The following NFKB1 variants were observed in gnomAD, a reference collection of about 807,000 sequenced individuals.
NFKB1 encodes the protein nuclear factor kappa B subunit 1, also known as nuclear factor NF-kappa-B p105 subunit.
NFKB1 carries 9 observed loss-of-function variants against 105.1 expected under a neutral mutation model. The observed-to-expected ratio is 0.09, with a 90% confidence interval of 0.05 to 0.15. The LOEUF (loss-of-function observed/expected upper bound fraction) is 0.15, where lower values mean the gene tolerates loss of function less well. Among genes scored for constraint, NFKB1 ranks in the 10% least tolerant of loss-of-function variants. The pLI, the probability that NFKB1 is intolerant of heterozygous loss-of-function variation, is 1.00. For synonymous variants in NFKB1, 440 were observed against 442.2 expected, an observed-to-expected ratio of 1.00 and a Z score of 0.06; for missense variants, 830 against 1,203.7, an observed-to-expected ratio of 0.69 and a Z score of 4.59.
intron 6 of NFKB1, among the ~76,000 whole-genome samples, chr4:102,572,249 C>A (rs1724433205): frequency 6.7e-6 from 1 of 149,180 alleles, no homozygotes; most frequent in Non-Finnish European, 1.5e-5. Context: ...AAACCAAACA[C>A]TGCATGTTCT....
chr4:102,509,259 T>C (rs932409193), intron 1 of NFKB1, among the ~76,000 whole-genome samples: 1 of 152,242 alleles, frequency 6.6e-6, no homozygotes, highest in Admixed American at 6.5e-5. Flanking sequence ...TTAAGACATT[T>C]AACCAAATTT....
At chr4:102,563,910 C>T (rs770163286) in intron 5 of NFKB1, among the ~76,000 whole-genome samples, 3 of 151,446 alleles carry the variant, frequency 2.0e-5, no homozygotes, top group Non-Finnish European at 4.4e-5. Flanking sequence ...CAACCTCCAC[C>T]TCCTGGGTTC....
chr4:102,523,511 T>G, intron 1 of NFKB1, among the ~76,000 whole-genome samples: 1 of 152,210 alleles, frequency 6.6e-6, no homozygotes. Flanking sequence ...GGCTTTGTGC[T>G]TATTGGAGTG....
rs764911742 is a variant in NFKB1 at position 102,606,567 on chromosome 4, C to T, written c.1824C>T (p.Asp608=). The stretch of plus-strand genomic sequence containing the variant: ...AGGATTTGCTGAGGGCTGGGGCCGA[C>T]CTGAGCCTTCTGGACCGCTTGGGTA... The part of the protein sequence containing the change: ...VVEDLLRAGA[D]LSLLDRLGNS... The change falls in exon 17 of 24, where the codon GAC becomes GAT. Residue 608 remains aspartate, a synonymous_variant. Transcript: ENST00000226574. The T allele has an allele frequency of 3.1e-6, 5 of 1,614,002 alleles. No homozygotes were observed. The Admixed American group carries it at 8.3e-5, about 27-fold the overall frequency.
intron 2 of NFKB1, among the ~76,000 whole-genome samples, chr4:102,528,465 CTTAAT>C (rs1318807076): frequency 6.6e-6 from 1 of 152,096 alleles, no homozygotes; most frequent in African/African-American, 2.4e-5. Flanking sequence ...TTTTCTTACT[CTTAAT>C]TTAACTAGGC....
intron 8 of NFKB1, among the ~76,000 whole-genome samples, chr4:102,579,972 G>GA (rs111802427): frequency 4.4e-4 from 62 of 139,418 alleles, no homozygotes; most frequent in Middle Eastern, 3.7e-3. Context: ...AGCTGTTGGA[G>GA]AAAAAAAAAA....
At chr4:102,562,822 G>A (rs185585728) in intron 5 of NFKB1, among the ~76,000 whole-genome samples, 4 of 152,290 alleles carry the variant, frequency 2.6e-5, no homozygotes, top group South Asian at 4.1e-4. Flanking sequence ...AGGTGCACAC[G>A]TGAAGTCAGG....
intron 15 of NFKB1, among the ~76,000 whole-genome samples, chr4:102,597,992 T>A (rs1726780720): frequency 6.6e-6 from 1 of 152,138 alleles, no homozygotes. Context: ...TTGTTAAGAG[T>A]CCTACCAAAT....
intron 23 of NFKB1, among the ~76,000 whole-genome samples, chr4:102,615,734 A>G (rs1027819010): frequency 3.1e-4 from 47 of 152,256 alleles, no homozygotes; most frequent in African/African-American, 1.1e-3. Context: ...TCAATACCAA[A>G]ATGATAGTCG....
At chr4:102,538,042 G>A (rs549127207) in intron 5 of NFKB1, 86 bp downstream of exon 5, 23 of 841,554 alleles carry the variant, frequency 2.7e-5, no homozygotes, top group Middle Eastern at 2.2e-4. Flanking sequence ...AAATGAGTAC[G>A]GGTTGCCTTC....
chr4:102,512,036 C>G (rs2149098864), intron 1 of NFKB1, among the ~76,000 whole-genome samples: 1 of 152,318 alleles, frequency 6.6e-6, no homozygotes, highest in Admixed American at 6.5e-5. Flanking sequence ...AGCTTCACAC[C>G]AGCGGGAACT....
At chr4:102,526,083 TCTC>T (rs1220756854) in intron 2 of NFKB1, among the ~76,000 whole-genome samples, 5 of 152,122 alleles carry the variant, frequency 3.3e-5, no homozygotes, top group Non-Finnish European at 5.9e-5. Context: ...TAAACCTAAA[TCTC>T]CTCTTTTTTT....
intron 15 of NFKB1, among the ~76,000 whole-genome samples, chr4:102,599,039 C>G (rs922505614): frequency 2.0e-5 from 3 of 152,112 alleles, no homozygotes; most frequent in African/African-American, 4.8e-5. Flanking sequence ...TAGTTTAAAT[C>G]CTGTGGCCAT....
At chr4:102,583,575 A>G (rs772497568) in intron 10 of NFKB1, among the ~76,000 whole-genome samples, 1 of 152,232 alleles carries the variant, frequency 6.6e-6, no homozygotes, top group Non-Finnish European at 1.5e-5. Flanking sequence ...TTATGATGAG[A>G]CCTATTTTAT....
At position 102,612,025 on chromosome 4, in the gene NFKB1, G is replaced by C. The variant is rs377159144; in HGVS notation, c.2353-19G>C. 19 of 1,606,610 alleles carry C rather than the reference G, an allele frequency of 1.2e-5. No individual in the cohort carries two copies. Among genetic ancestry groups the C allele is most frequent in the Non-Finnish European group, 1.6e-5 (19 of 1,173,362 alleles). ...TCCCTTCGATGTATAACGATTTCTGGTGTTTTTCTTTCCAACAGGTATTTG... is the reference window on the plus strand; with the variant it reads ...TCCCTTCGATGTATAACGATTTCTGCTGTTTTTCTTTCCAACAGGTATTTG... On this transcript the variant is annotated intron_variant, in intron 20 of 23. Transcript: ENST00000226574.
At chr4:102,575,591 G>A (rs1046646811) in intron 6 of NFKB1, among the ~76,000 whole-genome samples, 3 of 152,098 alleles carry the variant, frequency 2.0e-5, no homozygotes, top group Middle Eastern at 3.2e-3. Flanking sequence ...ACACCGGCGT[G>A]GTCCTACCGC....
chr4:102,616,354 C>A, intron 23 of NFKB1, 80 bp from the exon 24 acceptor site: 1 of 1,505,432 alleles, frequency 6.6e-7, no homozygotes. Flanking sequence ...AGCCAGTGGG[C>A]AAGAGTTGTC....
chr4:102,534,411 C>A (rs1741501206), intron 4 of NFKB1, among the ~76,000 whole-genome samples: 1 of 152,152 alleles, frequency 6.6e-6, no homozygotes, highest in South Asian at 2.1e-4. Flanking sequence ...CTATTGAATT[C>A]TCTTCCCTCT....
intron 5 of NFKB1, among the ~76,000 whole-genome samples, chr4:102,558,357 A>G (rs1293217958): frequency 6.6e-6 from 1 of 152,102 alleles, no homozygotes; most frequent in Non-Finnish European, 1.5e-5. Flanking sequence ...AGCTCCATCC[A>G]TGTCCCTGCA....
Sources: gnomAD v4.1 joint callset for allele counts (sites outside exome capture counted in the v4.1 genomes callset) on GRCh38, gnomAD v4.1.1 for gene constraint, MANE v1.5 for transcripts, NCBI Gene and HGNC (gene_info 2026-07-23, HGNC 2026-07-21) for gene names.